The following LIN28B variants were observed in gnomAD, a reference collection of about 807,000 sequenced individuals.
The protein encoded by LIN28B is lin-28 RNA binding posttranscriptional regulator B.
In LIN28B, 5 loss-of-function variants were observed where a neutral mutation model predicts 21.9. The ratio of observed to expected loss-of-function variants is 0.23; its 90% CI spans 0.12 to 0.48. The LOEUF is 0.48. Ranked by LOEUF, LIN28B falls within the 20% of genes least tolerant of loss-of-function variation. The probability of loss-of-function intolerance (pLI) is 0.98; values close to 1 mark genes in which losing one functional copy is unlikely to be tolerated. For synonymous variants in LIN28B, 109 were observed against 111.3 expected (o/e 0.98, Z 0.13); for missense variants, 245 against 310.5 (o/e 0.79, Z 1.58).
chr6:104,947,545 T>C (rs1262856483), intron 2 of LIN28B, among the ~76,000 whole-genome samples: 2 of 152,176 alleles, frequency 1.3e-5, no homozygotes, highest in Non-Finnish European at 2.9e-5. Context: ...AATATTGTTA[T>C]ATATTTTAGT....
chr6:105,063,634 TC>T (rs1413981879), intron 3 of LIN28B, among the ~76,000 whole-genome samples: 1 of 82,320 alleles, frequency 1.2e-5, no homozygotes, highest in Admixed American at 1.6e-4. Flanking sequence ...AGACTCCATC[TC>T]GGGGGGGGGG....
At chr6:104,992,868 CAA>C (rs567797124) in intron 2 of LIN28B, among the ~76,000 whole-genome samples, 249 of 152,134 alleles carry the variant, frequency 1.6e-3, no homozygotes, top group African/African-American at 5.6e-3. Context: ...TTACTTTTCT[CAA>C]AATTTTTTTT....
intron 2 of LIN28B, among the ~76,000 whole-genome samples, chr6:104,988,341 G>A (rs1274253787): frequency 6.6e-6 from 1 of 151,734 alleles, no homozygotes; most frequent in African/African-American, 2.4e-5. Context: ...GTGGTAAATT[G>A]TGTTTTTATC....
rs115790258 is a variant in LIN28B, at chr6:105,041,281, G to A, written c.383+14799G>A. Among the ~76,000 whole-genome samples the A allele has an allele frequency of 7.7e-3, 1,171 of 151,972 alleles. 12 individuals are homozygous for A. Among genetic ancestry groups the A allele is most frequent in the African/African-American group, 0.026 (1,092 of 41,448 alleles). On this transcript the variant is annotated intron_variant, in intron 3 of 3. Coordinates refer to ENST00000345080, the MANE Select transcript of LIN28B (RefSeq NM_001004317.4). ...TCTTTTTTTCTCATTTAGGCATCTC[G>A]CGAATTTACCTTTTCAAATAATTAC...
At chr6:104,980,946 A>G (rs1582876715) in intron 2 of LIN28B, among the ~76,000 whole-genome samples, 3 of 152,148 alleles carry the variant, frequency 2.0e-5, no homozygotes, top group East Asian at 3.8e-4. Context: ...TTCATGCTAT[A>G]TATTTTCTCT....
intron 2 of LIN28B, among the ~76,000 whole-genome samples, chr6:104,969,231 T>C (rs1320852132): frequency 6.6e-6 from 1 of 152,152 alleles, no homozygotes; most frequent in African/African-American, 2.4e-5. Context: ...GAATACTCAG[T>C]CTAAGGACAC....
At chr6:104,990,383 A>C (rs1238652390) in intron 2 of LIN28B, among the ~76,000 whole-genome samples, 1 of 151,842 alleles carries the variant, frequency 6.6e-6, no homozygotes, top group Non-Finnish European at 1.5e-5. Context: ...TTTCTGTCTA[A>C]GAGAATCTGA....
chr6:105,048,448 G>A lies in LIN28B; in HGVS notation c.383+21966G>A, dbSNP rs113796880. On this transcript the variant is annotated intron_variant, in intron 3 of 3. Coordinates refer to ENST00000345080, the MANE Select transcript of LIN28B (RefSeq NM_001004317.4). ...GTATTTTATTGAGGATTTTTGCATC[G>A]ATGTTCATCAGGCATATTGGTCTAA... Among the ~76,000 whole-genome samples, 194 of 152,214 alleles carry A rather than the reference G, an allele frequency of 1.3e-3. 2 individuals carry two copies. Among genetic ancestry groups the A allele is most frequent in the African/African-American group, 4.5e-3 (186 of 41,524 alleles).
chr6:104,941,067 G>A (rs1313148473), intron 2 of LIN28B: 1 of 152,170 alleles, frequency 6.6e-6, no homozygotes, highest in African/African-American at 2.4e-5. Flanking sequence ...GTGTGCGTGC[G>A]GGTGCGGACG....
upstream of LIN28B, among the ~76,000 whole-genome samples, chr6:104,952,501 G>C (rs1342174651): frequency 6.6e-6 from 1 of 152,078 alleles, no homozygotes; most frequent in Non-Finnish European, 1.5e-5. Context: ...GCTATTCCAG[G>C]TTTTTAAAAA....
intron 3 of LIN28B, among the ~76,000 whole-genome samples, chr6:105,056,690 A>G (rs1054574516): frequency 6.6e-6 from 1 of 152,126 alleles, no homozygotes; most frequent in African/African-American, 2.4e-5. Flanking sequence ...GCCCTTAATT[A>G]CGAATAAGGA....
chr6:105,073,421 G>A, intron 3 of LIN28B, among the ~76,000 whole-genome samples: 1 of 151,780 alleles, frequency 6.6e-6, no homozygotes, highest in Admixed American at 6.6e-5. Context: ...GTTTTTCCCA[G>A]GAATTTTTAT....
At chr6:105,026,165 C>G in intron 2 of LIN28B, 133 bp from the exon 3 acceptor site, 2 of 482,574 alleles carry the variant, frequency 4.1e-6, no homozygotes, top group Non-Finnish European at 7.0e-6. Flanking sequence ...ATATGTTTCA[C>G]TGAACTTAAG....
Position 104,984,458 on chromosome 6 carries a change from TC to T in LIN28B, c.198+26173del, listed in dbSNP as rs1339972730. Among the ~76,000 whole-genome samples, 17 of 152,076 alleles carry T rather than the reference TC, an allele frequency of 1.1e-4. No homozygotes were observed. The East Asian group carries it at 3.3e-3, about 29-fold the overall frequency. On this transcript the variant is annotated intron_variant, in intron 2 of 3. Transcript: ENST00000345080. Reference sequence around the variant, plus strand: ...TGAATGAGTATATTTCTTTCTTTTTTCTTTTTTTTTTTGTTGAGACAGGGTC... The same window carrying T: ...TGAATGAGTATATTTCTTTCTTTTTTTTTTTTTTTTTGTTGAGACAGGGTC...
chr6:105,040,766 C>T (rs1478967135), intron 3 of LIN28B, among the ~76,000 whole-genome samples: 1 of 152,018 alleles, frequency 6.6e-6, no homozygotes, highest in South Asian at 2.1e-4. Context: ...TTTTCTGTTT[C>T]CTTTTCAATC....
Position 105,062,535 on chromosome 6 carries a change from G to A in LIN28B, c.384-15879G>A, listed in dbSNP as rs188582655. On this transcript the variant is annotated intron_variant, in intron 3 of 3. Transcript: ENST00000345080. ...AAATCCTGCTTTAAAAACTGCATTG[G>A]AAATTAGCAAGAATTTAACAAACTC... is the stretch of plus-strand genomic sequence containing the variant. 3.3e-5 allele frequency among the ~76,000 whole-genome samples: 5 copies of A among 152,054 alleles called. No homozygotes were observed. In the East Asian group the frequency reaches 9.6e-4, roughly 29 times the overall value.
intron 2 of LIN28B, among the ~76,000 whole-genome samples, chr6:104,998,530 G>A (rs965095247): frequency 2.0e-5 from 3 of 151,616 alleles, no homozygotes; most frequent in Non-Finnish European, 4.4e-5. Context: ...TTTTCTCTCC[G>A]TACTTGCCAG....
At chr6:104,996,341 C>T (rs1770602817) in intron 2 of LIN28B, among the ~76,000 whole-genome samples, 1 of 152,124 alleles carries the variant, frequency 6.6e-6, no homozygotes, top group African/African-American at 2.4e-5. Flanking sequence ...GGACAGTGTT[C>T]TTGTTTTTGT....
At chr6:105,049,045 T>C (rs1443999836) in intron 3 of LIN28B, among the ~76,000 whole-genome samples, 4 of 152,238 alleles carry the variant, frequency 2.6e-5, no homozygotes, top group African/African-American at 7.2e-5. Flanking sequence ...TAGTTATTTC[T>C]TGCCTTCTGC....
Sources: allele counts gnomAD v4.1 joint callset (sites outside exome capture counted in the v4.1 genomes callset), GRCh38; gene constraint gnomAD v4.1.1; transcripts MANE v1.5; gene names NCBI Gene and HGNC (gene_info 2026-07-23, HGNC 2026-07-21).